Variants in EYS observed in about 807,000 individuals in gnomAD.
EYS encodes protein eyes shut homolog.
EYS carries 250 observed loss-of-function variants against 282.1 expected under a neutral mutation model. That is an observed-to-expected ratio of 0.89 (90% CI 0.80 to 0.98). The LOEUF (loss-of-function observed/expected upper bound fraction) is 0.98, where lower values mean the gene tolerates loss of function less well. EYS is among the 50% of genes least tolerant of loss of function. The probability of loss-of-function intolerance (pLI) is 0.00; values close to 1 mark genes in which losing one functional copy is unlikely to be tolerated. For missense variants in EYS, 4,016 were observed against 3,709.0 expected, an observed-to-expected ratio of 1.08 and a Z score of -2.15; for synonymous variants, 1,355 against 1,282.9, an observed-to-expected ratio of 1.06 and a Z score of -1.20.
At chr6:63,783,365 C>A (rs1770284619) in intron 39 of EYS, among the ~76,000 whole-genome samples, 1 of 152,182 alleles carries the variant, frequency 6.6e-6, no homozygotes, top group Non-Finnish European at 1.5e-5. Flanking sequence ...GCAACTATTA[C>A]ACCTGCTGAC....
chr6:65,514,284 A>G (rs1466871924), intron 2 of EYS, among the ~76,000 whole-genome samples: 1 of 151,522 alleles, frequency 6.6e-6, no homozygotes, highest in East Asian at 1.9e-4. Context: ...TCAATGAAAT[A>G]AAAGAGGATA....
At chr6:64,954,299 A>C (rs1769615685) in intron 14 of EYS, among the ~76,000 whole-genome samples, 1 of 152,034 alleles carries the variant, frequency 6.6e-6, no homozygotes, top group South Asian at 2.1e-4. Context: ...TTAAAACTAG[A>C]ATAAAGAAGT....
intron 31 of EYS, among the ~76,000 whole-genome samples, chr6:64,092,770 T>A (rs1456637829): frequency 4.6e-5 from 7 of 151,604 alleles, no homozygotes; most frequent in African/African-American, 1.7e-4. Context: ...AGATCCCATT[T>A]GTCAATTTTG....
intron 31 of EYS, among the ~76,000 whole-genome samples, chr6:64,161,420 A>T (rs993633134): frequency 6.6e-6 from 1 of 152,234 alleles, no homozygotes; most frequent in African/African-American, 2.4e-5. Context: ...TAATAAACAA[A>T]TTAAGATCTC....
At chr6:64,764,378 G>A (rs886969507) in intron 22 of EYS, among the ~76,000 whole-genome samples, 7 of 152,252 alleles carry the variant, frequency 4.6e-5, no homozygotes, top group Non-Finnish European at 1.0e-4. Flanking sequence ...TGTACCCTTT[G>A]AAGCCACAGC....
At chr6:65,096,704 G>C (rs946164568) in intron 12 of EYS, among the ~76,000 whole-genome samples, 9 of 150,944 alleles carry the variant, frequency 6.0e-5, no homozygotes, top group African/African-American at 1.9e-4. Flanking sequence ...TGCATATTTG[G>C]TCAATTGTAC....
chr6:64,496,375 A>G (rs1776890361), intron 26 of EYS, among the ~76,000 whole-genome samples: 1 of 151,966 alleles, frequency 6.6e-6, no homozygotes, highest in Admixed American at 6.6e-5. Flanking sequence ...AGTTGTCTGA[A>G]ATGAATAGTG....
chr6:64,579,085 A>G (rs1765980935), intron 26 of EYS, among the ~76,000 whole-genome samples: 1 of 152,092 alleles, frequency 6.6e-6, no homozygotes, highest in Non-Finnish European at 1.5e-5. Context: ...TCATTCGCAG[A>G]ATTAGGTATG....
intron 30 of EYS, among the ~76,000 whole-genome samples, chr6:64,266,575 TAACAAC>T (rs1158825592): frequency 2.0e-5 from 3 of 152,142 alleles, no homozygotes; most frequent in African/African-American, 7.2e-5. Flanking sequence ...AATTTTGGTT[TAACAAC>T]AACAACAAAA....
chr6:64,197,280 G>A (rs1329854684), intron 31 of EYS, among the ~76,000 whole-genome samples: 1 of 152,180 alleles, frequency 6.6e-6, no homozygotes, highest in Admixed American at 6.5e-5. Context: ...TTGTGTGTGT[G>A]TGTGCATTGA....
chr6:64,286,370 G>A (rs1321771015), intron 30 of EYS, among the ~76,000 whole-genome samples: 2 of 152,068 alleles, frequency 1.3e-5, no homozygotes, highest in Non-Finnish European at 2.9e-5. Flanking sequence ...AATGGTACCT[G>A]GTTTTAATTT....
intron 2 of EYS, among the ~76,000 whole-genome samples, chr6:65,584,075 A>AG: frequency 6.6e-6 from 1 of 152,222 alleles, no homozygotes; most frequent in Admixed American, 6.6e-5. Context: ...TGACAAATAG[A>AG]GAAAAACACA....
At chr6:64,831,233 T>A (rs963692714) in intron 19 of EYS, among the ~76,000 whole-genome samples, 1 of 151,974 alleles carries the variant, frequency 6.6e-6, no homozygotes, top group Non-Finnish European at 1.5e-5. Context: ...GCTTTTAAAT[T>A]TTTTTGTCAA....
At chr6:65,463,652 G>A (rs1369127108) in intron 5 of EYS, among the ~76,000 whole-genome samples, 1 of 152,072 alleles carries the variant, frequency 6.6e-6, no homozygotes, top group African/African-American at 2.4e-5. Context: ...TGCTTGATGT[G>A]TTTATTTAAA....
chr6:64,221,966 T>C (rs1208796189), intron 31 of EYS, among the ~76,000 whole-genome samples: 1 of 151,836 alleles, frequency 6.6e-6, no homozygotes, highest in Middle Eastern at 3.2e-3. Flanking sequence ...TCAGAAACAT[T>C]GAGATTACAC....
At chr6:65,081,974 A>T (rs1450167040) in intron 12 of EYS, among the ~76,000 whole-genome samples, 1 of 152,038 alleles carries the variant, frequency 6.6e-6, no homozygotes, top group African/African-American at 2.4e-5. Flanking sequence ...TGCAAGGTGT[A>T]TTCTCAGTAA....
intron 30 of EYS, among the ~76,000 whole-genome samples, chr6:64,297,882 G>T (rs926007560): frequency 6.6e-6 from 1 of 151,612 alleles, no homozygotes; most frequent in South Asian, 2.1e-4. Flanking sequence ...GGAGGCTGAG[G>T]CAGTGGAATC....
intron 19 of EYS, among the ~76,000 whole-genome samples, chr6:64,847,685 C>A (rs1377064485): frequency 6.6e-6 from 1 of 152,032 alleles, no homozygotes; most frequent in African/African-American, 2.4e-5. Flanking sequence ...TTTACACTAA[C>A]CCCTACCATG....
chr6:64,257,423 T>G (rs1245788791), intron 30 of EYS, among the ~76,000 whole-genome samples: 1 of 151,998 alleles, frequency 6.6e-6, no homozygotes, highest in Non-Finnish European at 1.5e-5. Flanking sequence ...CCTTACTTCC[T>G]CTTCAAAAGT....
Sources: allele counts gnomAD v4.1 joint callset (sites outside exome capture counted in the v4.1 genomes callset), GRCh38; gene constraint gnomAD v4.1.1; transcripts MANE v1.5; gene names NCBI Gene and HGNC (gene_info 2026-07-23, HGNC 2026-07-21).